Variants in USP54 observed in about 807,000 individuals in gnomAD.
The protein encoded by USP54 is ubiquitin carboxyl-terminal hydrolase 54.
A neutral mutation model predicts 170.5 loss-of-function variants in USP54; 87 were observed. The ratio of observed to expected loss-of-function variants is 0.51; its 90% confidence interval spans 0.43 to 0.61. USP54 has a LOEUF of 0.61. USP54 is among the 20% of genes least tolerant of loss of function. USP54 has a pLI of 0.00. For synonymous variants in USP54, 655 were observed against 742.8 expected, an observed-to-expected ratio of 0.88 and a Z score of 1.92; for missense variants, 1,786 against 2,047.8, an observed-to-expected ratio of 0.87 and a Z score of 2.47.
At chr10:73,522,538 A>G (rs1187976962) in intron 17 of USP54, among the ~76,000 whole-genome samples, 2 of 152,256 alleles carry the variant, frequency 1.3e-5, no homozygotes, top group African/African-American at 4.8e-5. Context: ...AGAGAAAAAA[A>G]GGAGAGAAAT....
At chr10:73,512,776 T>G (rs996875230) in intron 20 of USP54, among the ~76,000 whole-genome samples, 2 of 152,212 alleles carry the variant, frequency 1.3e-5, no homozygotes, top group East Asian at 3.8e-4. Flanking sequence ...AAATTAATGG[T>G]CAGTAAGTAC....
chr10:73,561,123 A>AG (rs1299248023), intron 4 of USP54, among the ~76,000 whole-genome samples: 1 of 150,936 alleles, frequency 6.6e-6, no homozygotes, highest in Non-Finnish European at 1.5e-5. Context: ...AAAAAAAAAA[A>AG]AAAAAGAAAT....
In USP54 at chr10:73,529,983, G is replaced by A. The variant is rs116263009; in HGVS notation, c.1829-72C>T. ...TTTGCCTAAAATCAAGACCTAACTA[G>A]CTCCTCCCTCTAGCTACTTATTCAC... On this transcript the variant is annotated intron_variant, in intron 14 of 23. Coordinates refer to ENST00000687698, the MANE Select transcript of USP54 (RefSeq NM_001391956.1). 4.9e-4 allele frequency: 739 copies of A among 1,493,436 alleles called. 7 individuals carry two copies. The African/African-American group carries it at 5.7e-3, about 12-fold the overall frequency. The allele number at this position is 1,493,436 out of a possible 1,614,324, so 92.5% of individuals were successfully genotyped here. A position where few individuals can be genotyped will look rare whatever the true frequency, so the allele number is the denominator to read the frequency against.
In USP54 at chr10:73,530,738, G is replaced by A. The variant is rs764256420; in HGVS notation, c.1413C>T (p.Gly471=). Residue 471 remains glycine, a synonymous_variant, in exon 13 of 24, where the codon GGC becomes GGT. Coordinates refer to ENST00000687698, the MANE Select transcript of USP54 (RefSeq NM_001391956.1). ...KRSSGRVRRK[G]DEPQASGYHS... ...GGTATCCCGAGGCCTGGGGCTCATC[G>A]CCTTTCCTCCTAACCCGACCAGAGC... is the stretch of plus-strand genomic sequence containing the variant. The A allele has an allele frequency of 1.2e-5, 20 of 1,614,034 alleles. No individual in the cohort carries two copies. In the East Asian group the frequency reaches 2.0e-4, roughly 16 times the overall value.
chr10:73,499,708 C>CT (rs949316096), intron 23 of USP54: 10 of 152,014 alleles, frequency 6.6e-5, no homozygotes, highest in East Asian at 1.9e-4. Flanking sequence ...CTGTGCCTTG[C>CT]TTTTTTTTTG....
intron 1 of USP54, among the ~76,000 whole-genome samples, chr10:73,596,621 G>T (rs887278101): frequency 6.6e-6 from 1 of 150,428 alleles, no homozygotes; most frequent in Non-Finnish European, 1.5e-5. Context: ...CAGGAGGCTG[G>T]GGCAGGAGAA....
chr10:73,548,343 C>T (rs2133581772), intron 4 of USP54, among the ~76,000 whole-genome samples: 1 of 152,240 alleles, frequency 6.6e-6, no homozygotes, highest in South Asian at 2.1e-4. Flanking sequence ...GGATCTAGAA[C>T]TAGAAATACC....
Position 73,516,831 on chromosome 10 carries a change from A to G in USP54, c.3595T>C (p.Trp1199Arg). ...GAAGAATGTTCAGTGGACTCTTCCC[A>G]GGAAAGTGGTCTATCCCCACCCTCC... ...SLEGGDRPLS[W>R]EESTEHSSLA... Residue 1199 changes from tryptophan to arginine, a missense_variant, in exon 20 of 24, where the codon TGG becomes CGG. Transcript: ENST00000687698. The G allele has an allele frequency of 6.2e-7, 1 of 1,614,244 alleles. No individual in the cohort carries two copies. The highest frequency in any genetic ancestry group is 8.5e-7 in the Non-Finnish European group (1 of 1,180,046).
chr10:73,583,716 T>C (rs1181724091), intron 1 of USP54, among the ~76,000 whole-genome samples: 5 of 151,598 alleles, frequency 3.3e-5, no homozygotes. Flanking sequence ...GCCACTGCAC[T>C]CCAGCCAGGG....
rs748310015 is a variant in USP54, at chr10:73,530,308, A to G, written c.1663T>C (p.Trp555Arg). The change falls in exon 14 of 24, where the codon TGG (tryptophan) becomes CGG (arginine). Residue 555 changes from tryptophan to arginine, a missense_variant. By Grantham distance (101) the Trp-to-Arg change is moderately radical (BLOSUM62 -3). Around this residue, in one of 3 missense-constraint regions of USP54, gnomAD observed 1,418 missense variants for 1,569.0 expected, o/e 0.90. Coordinates refer to ENST00000687698, the MANE Select transcript of USP54 (RefSeq NM_001391956.1). ...PRTLPLHSRDWEIESTSSESK... is the reference protein window; with the variant it reads ...PRTLPLHSRDREIESTSSESK... ...TCACTGCTGGTACTCTCTATTTCCC[A>G]GTCACGAGAGTGTAAAGGCAGGGTC... is the stretch of plus-strand genomic sequence containing the variant. 6.2e-7 allele frequency: 1 copy of G among 1,614,198 alleles called. No homozygotes were observed.
chr10:73,608,843 G>A lies in USP54; in HGVS notation c.-18+16724C>T, dbSNP rs563763446. ...ACCTGGGAGGTGGAGGTTGCAGTGA[G>A]CCAAGATCCCAAGATCACAGCACTG... On this transcript the variant is annotated intron_variant, in intron 1 of 22. Transcript: ENST00000339859. 2.0e-5 allele frequency among the ~76,000 whole-genome samples: 3 copies of A among 152,232 alleles called. No individual in the cohort carries two copies. In the South Asian group the frequency reaches 6.2e-4, roughly 32 times the overall value.
At chr10:73,536,106 G>T in intron 11 of USP54, 163 bp downstream of exon 11, 1 of 932,890 alleles carries the variant, frequency 1.1e-6, no homozygotes, top group Non-Finnish European at 1.6e-6. Flanking sequence ...ATAAAGGCTG[G>T]CCCAAGTTAG....
intron 4 of USP54, among the ~76,000 whole-genome samples, chr10:73,569,870 C>CTAG (rs1231011632): frequency 9.0e-6 from 1 of 111,590 alleles, no homozygotes; most frequent in Non-Finnish European, 1.7e-5. Flanking sequence ...GAGTTCAAGA[C>CTAG]TAGCCTGGGC....
chr10:73,620,000 T>C (rs1175265371), intron 1 of USP54, among the ~76,000 whole-genome samples: 1 of 150,222 alleles, frequency 6.7e-6, no homozygotes, highest in African/African-American at 2.5e-5. Context: ...CTGTGTGACT[T>C]TGGGTAAGTC....
chr10:73,624,172 A>G lies in USP54; in HGVS notation c.-18+1395T>C, dbSNP rs866404371. On this transcript the variant is annotated intron_variant, in intron 1 of 22. Transcript: ENST00000339859. ...ATTTTTAAAAGCCATATATATATAT[A>G]TATATATATATATATATATATATGT... is the stretch of plus-strand genomic sequence containing the variant. Among the ~76,000 whole-genome samples, 72 of 109,568 alleles carry G rather than the reference A, an allele frequency of 6.6e-4. 2 individuals are homozygous for G. The highest frequency in any genetic ancestry group is 2.0e-3 in the African/African-American group (65 of 32,470). The allele number at this position is 109,568 out of a possible 152,430, so 71.9% of individuals were successfully genotyped here.
At chr10:73,572,170 A>G (rs1054119040) in intron 3 of USP54, among the ~76,000 whole-genome samples, 4 of 152,156 alleles carry the variant, frequency 2.6e-5, no homozygotes, top group African/African-American at 9.7e-5. Context: ...ACAAATTCCA[A>G]TAGGGGAAGG....
At chr10:73,573,628 G>A (rs937119262) in intron 3 of USP54, among the ~76,000 whole-genome samples, 5 of 152,200 alleles carry the variant, frequency 3.3e-5, no homozygotes, top group Admixed American at 1.3e-4. Context: ...GCCCAGCGTG[G>A]TGGTGCACAG....
chr10:73,566,312 C>T (rs2073794259), intron 4 of USP54, among the ~76,000 whole-genome samples: 1 of 152,168 alleles, frequency 6.6e-6, no homozygotes, highest in Admixed American at 6.5e-5. Flanking sequence ...CTCTTATAAA[C>T]ACATTGCTGA....
At chr10:73,618,188 G>A (rs2080805351) in intron 1 of USP54, among the ~76,000 whole-genome samples, 1 of 150,306 alleles carries the variant, frequency 6.7e-6, no homozygotes, top group African/African-American at 2.5e-5. Flanking sequence ...TCCAGCCTGG[G>A]TGACACAGCA....
Sources: allele counts gnomAD v4.1 joint callset (sites outside exome capture counted in the v4.1 genomes callset), GRCh38; gene constraint gnomAD v4.1.1; regional missense constraint gnomAD v4.1.1; transcripts MANE v1.5; gene names NCBI Gene and HGNC (gene_info 2026-07-23, HGNC 2026-07-21).